SYNE2: variants seen among roughly 807,000 people sequenced by gnomAD.
The protein encoded by SYNE2 is spectrin repeat containing nuclear envelope protein 2.
In SYNE2, 431 loss-of-function variants were observed where a neutral mutation model predicts 856.3. That is an observed-to-expected ratio of 0.50 (90% CI 0.47 to 0.55). SYNE2 has a LOEUF of 0.55. Ranked by LOEUF, SYNE2 falls within the 20% of genes least tolerant of loss-of-function variation. The probability of loss-of-function intolerance (pLI) is 0.00; values close to 1 mark genes in which losing one functional copy is unlikely to be tolerated. For synonymous variants in SYNE2, 2,923 were observed against 2,872.3 expected (o/e 1.02, Z -0.56); for missense variants, 8,129 against 8,023.2 (o/e 1.01, Z -0.50).
chr14:63,979,053 T>C (rs1247391010), intron 14 of SYNE2, 39 bp downstream of exon 14: 2 of 1,603,286 alleles, frequency 1.2e-6, no homozygotes, highest in Non-Finnish European at 1.7e-6. Flanking sequence ...AACTCCTCCA[T>C]CTCTGGGTGC....
At chr14:63,829,560 C>T (rs950720553) in intron 1 of SYNE2, among the ~76,000 whole-genome samples, 1 of 152,128 alleles carries the variant, frequency 6.6e-6, no homozygotes, top group Non-Finnish European at 1.5e-5. Context: ...TACACAAAAA[C>T]TTATGCCCAA....
chr14:64,215,309 G>C lies in SYNE2; in HGVS notation c.19357G>C (p.Glu6453Gln), dbSNP rs1347921337. 1.9e-6 allele frequency: 3 copies of C among 1,614,012 alleles called. No individual in the cohort carries two copies. Among genetic ancestry groups the C allele is most frequent in the Non-Finnish European group, 2.5e-6 (3 of 1,180,040 alleles). The change falls in exon 107 of 116, where the codon GAG becomes CAG. Residue 6453 changes from glutamate (E) to glutamine (Q), a missense_variant. Transcript: ENST00000555002. Reference sequence around the variant, plus strand: ...AGATGTAGAAATCCCTGAAAATCCTGAGGCATATCTTAAAATGACCACAAA... The same window carrying C: ...AGATGTAGAAATCCCTGAAAATCCTCAGGCATATCTTAAAATGACCACAAA... ...LSDVEIPENP[E>Q]AYLKMTTKTL...
At chr14:63,847,370 T>A (rs746352353) in intron 1 of SYNE2, among the ~76,000 whole-genome samples, 11 of 151,762 alleles carry the variant, frequency 7.2e-5, no homozygotes, top group Non-Finnish European at 1.2e-4. Context: ...GGTGGGAGGA[T>A]CACTTGAGCC....
intron 61 of SYNE2, among the ~76,000 whole-genome samples, chr14:64,097,748 A>G (rs1233177181): frequency 2.6e-5 from 4 of 152,212 alleles, no homozygotes; most frequent in Non-Finnish European, 5.9e-5. Flanking sequence ...GAGGCATCCT[A>G]TAGCTTATAA....
chr14:64,027,698 A>G lies in SYNE2; in HGVS notation c.6619A>G (p.Asn2207Asp). Residue 2207 changes from asparagine (N) to aspartate (D), a missense_variant, in exon 43 of 116, where the codon AAC (asparagine) becomes GAC (aspartate). By Grantham distance (23) the Asn-to-Asp change is conservative (BLOSUM62 1). Transcript: ENST00000555002. The part of the protein sequence containing the change: ...SLLKELKSQG[N>D]YLLECTKNPS... Reference sequence around the variant, plus strand: ...GCTAAAGGAGTTAAAATCTCAGGGAAACTACCTCTTGGAGTGCACTAAAAA... The same window carrying G: ...GCTAAAGGAGTTAAAATCTCAGGGAGACTACCTCTTGGAGTGCACTAAAAA... 6.2e-7 allele frequency: 1 copy of G among 1,614,128 alleles called. No individual in the cohort carries two copies. The highest frequency in any genetic ancestry group is 1.3e-5 in the African/African-American group (1 of 75,072).
Position 64,167,465 on chromosome 14 carries a change from A to G in SYNE2, c.16761-30A>G, listed in dbSNP as rs578070729. 2.7e-4 allele frequency: 429 copies of G among 1,614,228 alleles called. 5 individuals are homozygous for G. The South Asian group carries it at 4.5e-3, about 17-fold the overall frequency. ...TCAGCTCGGGAATGGCATTGTTAAC[A>G]TGGGTGTGTTTTGTTTTAAACCTTT... On this transcript the variant is annotated intron_variant, in intron 91 of 115. Transcript: ENST00000555002.
Position 64,165,383 on chromosome 14 carries a change from G to C in SYNE2, c.16578G>C (p.Gln5526His). The C allele has an allele frequency of 4.3e-6, 7 of 1,613,758 alleles. No individual in the cohort carries two copies. Among genetic ancestry groups the C allele is most frequent in the Non-Finnish European group, 5.9e-6 (7 of 1,179,940 alleles). The change falls in exon 90 of 116, where the codon CAG becomes CAC. Residue 5526 changes from glutamine to histidine, a missense_variant. This residue lies in a region of SYNE2 where 5,410 missense variants were observed against 5,284.8 expected (regional missense o/e 1.02). Transcript: ENST00000555002. ...AGAATTTGGATAGACTTCACCAACA[G>C]GAAAAAGAAAATCCTGACTCATTCC... is the stretch of plus-strand genomic sequence containing the variant. ...EEENLDRLHQ[Q>H]EKENPDSFLN...
intron 66 of SYNE2, among the ~76,000 whole-genome samples, chr14:64,117,256 T>G (rs1014839433): frequency 1.3e-5 from 2 of 152,194 alleles, no homozygotes; most frequent in African/African-American, 4.8e-5. Context: ...TGAGATATCT[T>G]AGAGAGAGGA....
chr14:64,214,585 C>T (rs903771109), intron 106 of SYNE2, 115 bp downstream of exon 106: 9 of 1,061,868 alleles, frequency 8.5e-6, no homozygotes, highest in Admixed American at 2.1e-5. Context: ...CCGACCCTGA[C>T]TTCTGTGGTT....
intron 1 of SYNE2, among the ~76,000 whole-genome samples, chr14:63,859,449 T>C (rs1892889036): frequency 6.6e-6 from 1 of 152,132 alleles, no homozygotes; most frequent in South Asian, 2.1e-4. Flanking sequence ...TCTTTTAAAT[T>C]TATTCCTCAG....
At chr14:64,047,378 A>G (rs142813568) in intron 45 of SYNE2, among the ~76,000 whole-genome samples, 1,725 of 152,300 alleles carry the variant, frequency 0.011, 23 homozygotes, top group African/African-American at 0.039. Context: ...CCAATTAGGA[A>G]AGGGTGGGTA....
At chr14:64,079,190 T>C (rs78981486) in intron 55 of SYNE2, among the ~76,000 whole-genome samples, 2,540 of 152,306 alleles carry the variant, frequency 0.017, 32 homozygotes, top group Non-Finnish European at 0.024. Context: ...GGGATACTGA[T>C]ACTAAAAATC....
rs1163173119 is a variant in SYNE2 at position 64,007,214 on chromosome 14, C to G, written c.4569C>G (p.Val1523=). The change falls in exon 31 of 116, where the codon GTC becomes GTG. Residue 1523 remains valine (V), a synonymous_variant. Transcript: ENST00000555002. ...VVLWENTKAL[V]TECLEQCGRV... is the part of the protein sequence containing the mutation. ...TGTGGGAGAATACCAAAGCCTTGGT[C>G]ACCGAATGGTAAGGAAAAAAAAGAA... The G allele has an allele frequency of 2.5e-6, 4 of 1,613,714 alleles. No individual in the cohort carries two copies. The highest frequency in any genetic ancestry group is 2.7e-5 in the African/African-American group (2 of 74,922).
intron 2 of SYNE2, among the ~76,000 whole-genome samples, chr14:63,928,448 G>C (rs189610549): frequency 6.6e-6 from 1 of 152,328 alleles, no homozygotes; most frequent in Admixed American, 6.5e-5. Flanking sequence ...TTCAATAAGT[G>C]AGAGCTTAGT....
intron 7 of SYNE2, among the ~76,000 whole-genome samples, chr14:63,952,697 G>A (rs150614711): frequency 5.0e-4 from 76 of 152,310 alleles, no homozygotes; most frequent in Middle Eastern, 3.4e-3. Flanking sequence ...TCTGGATGAA[G>A]TAGATACCAC....
At position 64,078,466 on chromosome 14, in the gene SYNE2, A is replaced by T. The variant is rs750851350; in HGVS notation, c.11023A>T (p.Ile3675Phe). The T allele has an allele frequency of 6.2e-7, 1 of 1,613,966 alleles. No homozygotes were observed. Among genetic ancestry groups the T allele is most frequent in the Admixed American group, 1.7e-5 (1 of 60,022 alleles). ...AAATGCGTCTTTGTCTCTTTCACAG[A>T]TTAGCAATGAAGTCTTAAAAAGCTC... ...RKALEDIDEK[I>F]SNEVLKSSPS... The change falls in exon 55 of 116, where the codon ATT (isoleucine) becomes TTT (phenylalanine). Residue 3675 changes from isoleucine to phenylalanine, a missense_variant and splice_region_variant. By Grantham distance (21) the Ile-to-Phe change is conservative. Around this residue, in one of 3 missense-constraint regions of SYNE2, gnomAD observed 5,410 missense variants for 5,284.8 expected, o/e 1.02. Transcript: ENST00000555002.
At chr14:63,924,771 C>T (rs1277514918) in intron 2 of SYNE2, among the ~76,000 whole-genome samples, 1 of 134,508 alleles carries the variant, frequency 7.4e-6, no homozygotes, top group Non-Finnish European at 1.5e-5. Context: ...GTAGGATATT[C>T]TGCATAAAAG....
intron 1 of SYNE2, among the ~76,000 whole-genome samples, chr14:63,801,130 A>G (rs1888111893): frequency 6.6e-6 from 1 of 152,212 alleles, no homozygotes; most frequent in African/African-American, 2.4e-5. Flanking sequence ...ATATGGAAGT[A>G]TAACAGATGG....
intron 99 of SYNE2, 42 bp from the exon 100 acceptor site, chr14:64,202,759 G>T (rs770551233): frequency 1.9e-6 from 3 of 1,596,480 alleles, no homozygotes; most frequent in East Asian, 4.5e-5. Flanking sequence ...TCCATCACTG[G>T]TTTTTTTTTG....
Sources: gnomAD v4.1 joint callset for allele counts (sites outside exome capture counted in the v4.1 genomes callset) on GRCh38, gnomAD v4.1.1 for gene constraint, gnomAD v4.1.1 regional missense constraint, MANE v1.5 for transcripts, NCBI Gene and HGNC (gene_info 2026-07-23, HGNC 2026-07-21) for gene names.